The following ANKS1B variants were observed in gnomAD, a reference collection of about 807,000 sequenced individuals.
The protein encoded by ANKS1B is ankyrin repeat and sterile alpha motif domain-containing protein 1B.
Under a neutral mutation model 148.3 loss-of-function variants are expected in ANKS1B, and 36 were observed. The observed-to-expected ratio is 0.24, with a 90% confidence interval of 0.19 to 0.32. ANKS1B has a LOEUF of 0.32. ANKS1B is among the 10% of genes least tolerant of loss of function. The pLI is 1.00. For synonymous variants in ANKS1B, 542 were observed against 560.8 expected (o/e 0.97, Z 0.47); for missense variants, 1,157 against 1,542.6 (o/e 0.75, Z 4.19).
At chr12:99,326,848 T>C (rs1168020964) in intron 12 of ANKS1B, among the ~76,000 whole-genome samples, 2 of 150,926 alleles carry the variant, frequency 1.3e-5, no homozygotes, top group Non-Finnish European at 3.0e-5. Context: ...CCACATAAGG[T>C]GGATGCCTAA....
At chr12:99,325,250 G>C (rs1005988767) in intron 12 of ANKS1B, among the ~76,000 whole-genome samples, 15 of 152,066 alleles carry the variant, frequency 9.9e-5, no homozygotes, top group African/African-American at 3.4e-4. Context: ...AGTTTGAAAA[G>C]AGCCCCTATC....
At chr12:99,740,154 G>A (rs954031371) in intron 8 of ANKS1B, among the ~76,000 whole-genome samples, 1 of 151,782 alleles carries the variant, frequency 6.6e-6, no homozygotes, top group Non-Finnish European at 1.5e-5. Flanking sequence ...TACGAAAAAA[G>A]AAATTAATTA....
chr12:99,587,750 T>C (rs1283619347), intron 9 of ANKS1B, among the ~76,000 whole-genome samples: 1 of 152,186 alleles, frequency 6.6e-6, no homozygotes, highest in Non-Finnish European at 1.5e-5. Flanking sequence ...ACACTTTCAG[T>C]GGATTCAGAC....
intron 17 of ANKS1B, among the ~76,000 whole-genome samples, chr12:99,041,398 G>A (rs1243116439): frequency 6.6e-6 from 1 of 152,090 alleles, no homozygotes; most frequent in Non-Finnish European, 1.5e-5. Flanking sequence ...TGAGTTTGAT[G>A]GTCAATGAGT....
At chr12:99,477,484 A>G (rs2096343766) in intron 10 of ANKS1B, among the ~76,000 whole-genome samples, 1 of 152,106 alleles carries the variant, frequency 6.6e-6, no homozygotes. Flanking sequence ...CTAGAGCCAG[A>G]CTGTCTGGGT....
rs1182392964 is a variant in ANKS1B, at chr12:99,160,345, C to CT, written c.2420-5951dup. On this transcript the variant is annotated intron_variant, in intron 14 of 26. Transcript: ENST00000683438. ...GTTTTCTAGGTTTTCTTCTAGGATT[C>CT]TTTTTTTTTTTGAGATGGAGTCTTG... Among the ~76,000 whole-genome samples, 703 of 144,606 alleles carry CT rather than the reference C, an allele frequency of 4.9e-3. 4 individuals are homozygous for CT. Among genetic ancestry groups the CT allele is most frequent in the Admixed American group, 8.5e-3 (122 of 14,410 alleles). 94.9% of individuals were successfully genotyped at this position (144,606 alleles called of 152,430 possible). A position where few individuals can be genotyped will look rare whatever the true frequency, so the allele number is the denominator to read the frequency against.
At chr12:99,223,172 C>A (rs141421363) in intron 14 of ANKS1B, among the ~76,000 whole-genome samples, 303 of 152,224 alleles carry the variant, frequency 2.0e-3, no homozygotes, top group African/African-American at 6.8e-3. Context: ...CCTAGTTATT[C>A]TTTTCCCCTT....
intron 8 of ANKS1B, among the ~76,000 whole-genome samples, chr12:99,688,096 A>C (rs937954394): frequency 6.6e-6 from 1 of 152,302 alleles, no homozygotes; most frequent in East Asian, 1.9e-4. Context: ...CTTGTATCTT[A>C]CAATTTAGGT....
chr12:99,114,051 A>T (rs1483690801), intron 15 of ANKS1B, among the ~76,000 whole-genome samples: 1 of 152,200 alleles, frequency 6.6e-6, no homozygotes, highest in Non-Finnish European at 1.5e-5. Flanking sequence ...TTTGCACAAC[A>T]CTTTGCAATT....
intron 12 of ANKS1B, among the ~76,000 whole-genome samples, chr12:99,364,650 C>T (rs778461082): frequency 2.8e-4 from 42 of 152,144 alleles, no homozygotes; most frequent in Admixed American, 7.2e-4. Flanking sequence ...TGGTCATGAA[C>T]GCAAGTCATT....
intron 17 of ANKS1B, among the ~76,000 whole-genome samples, chr12:98,837,346 A>G (rs1211761985): frequency 6.6e-6 from 1 of 151,856 alleles, no homozygotes; most frequent in African/African-American, 2.4e-5. Context: ...CAGAAAAAAA[A>G]AAAAAAGAAA....
At chr12:99,010,076 C>G (rs1171109769) in intron 17 of ANKS1B, among the ~76,000 whole-genome samples, 2 of 152,094 alleles carry the variant, frequency 1.3e-5, no homozygotes, top group Non-Finnish European at 2.9e-5. Flanking sequence ...TTGCCTATTG[C>G]CAACTGTGAC....
At chr12:99,517,966 A>G (rs1039843694) in intron 9 of ANKS1B, among the ~76,000 whole-genome samples, 2 of 152,192 alleles carry the variant, frequency 1.3e-5, no homozygotes, top group African/African-American at 2.4e-5. Context: ...TTCAGCATCA[A>G]TTGAAATGAT....
chr12:99,001,011 A>G (rs751344185), intron 17 of ANKS1B, among the ~76,000 whole-genome samples: 1 of 151,948 alleles, frequency 6.6e-6, no homozygotes, highest in Non-Finnish European at 1.5e-5. Flanking sequence ...GTGTGTATAT[A>G]ATATTCCAAT....
chr12:99,787,272 G>A (rs943951435), intron 4 of ANKS1B, among the ~76,000 whole-genome samples: 1 of 152,136 alleles, frequency 6.6e-6, no homozygotes, highest in Non-Finnish European at 1.5e-5. Context: ...TCTCATGATA[G>A]TGAGTTCTCA....
At chr12:99,805,286 A>AAAAAAAAAAAAAAC (rs2067489354) in intron 4 of ANKS1B, among the ~76,000 whole-genome samples, 2 of 149,214 alleles carry the variant, frequency 1.3e-5, no homozygotes, top group Admixed American at 6.7e-5. Flanking sequence ...AAAAAAAAAA[A>AAAAAAAAAAAAAAC]AAGACTAACC....
At chr12:99,649,700 G>C in intron 9 of ANKS1B, 1 of 277,904 alleles carries the variant, frequency 3.6e-6, no homozygotes, top group Non-Finnish European at 6.9e-6. Context: ...TCCTAAAAGG[G>C]TACTTCAAGC....
At chr12:99,671,233 T>C (rs1427967622) in intron 8 of ANKS1B, among the ~76,000 whole-genome samples, 1 of 152,140 alleles carries the variant, frequency 6.6e-6, no homozygotes, top group Non-Finnish European at 1.5e-5. Flanking sequence ...TGTATATACG[T>C]TTTGATTAGA....
rs934892163 is a variant in ANKS1B, at chr12:99,357,937, T to C, written c.1756+41694A>G. Among the ~76,000 whole-genome samples, 5 of 152,140 alleles carry C rather than the reference T, an allele frequency of 3.3e-5. No individual in the cohort carries two copies. In the East Asian group the frequency reaches 7.7e-4, roughly 23 times the overall value. ...ATTTTTTTCATAACATATTGCATTA[T>C]ACTGCTGCTTTAATTTGTATTTATT... On this transcript the variant is annotated intron_variant, in intron 12 of 26. Transcript: ENST00000683438.
Sources: allele counts gnomAD v4.1 joint callset (sites outside exome capture counted in the v4.1 genomes callset), GRCh38; gene constraint gnomAD v4.1.1; transcripts MANE v1.5; gene names NCBI Gene and HGNC (gene_info 2026-07-23, HGNC 2026-07-21).